The following GNB5 variants were observed in gnomAD, a reference collection of about 807,000 sequenced individuals.
GNB5 encodes G protein subunit beta 5.
In GNB5, 37 loss-of-function variants were observed where a neutral mutation model predicts 55.3. The observed-to-expected ratio is 0.67, with a 90% confidence interval of 0.51 to 0.88. The LOEUF (loss-of-function observed/expected upper bound fraction) is 0.88. Ranked by LOEUF, GNB5 falls within the 40% of genes least tolerant of loss-of-function variation. GNB5 has a pLI of 0.00. For synonymous variants in GNB5, 219 were observed against 198.5 expected (o/e 1.10, Z -0.87); for missense variants, 476 against 515.3 (o/e 0.92, Z 0.74).
chr15:52,124,615 T>A lies in GNB5; in HGVS notation c.1034A>T (p.Asn345Ile). 1 of 1,614,060 alleles carries A rather than the reference T, an allele frequency of 6.2e-7. No individual in the cohort carries two copies. Among genetic ancestry groups the A allele is most frequent in the Non-Finnish European group, 8.5e-7 (1 of 1,179,954 alleles). ...ATCCCAGACGTTGATAGTGTAATCA[T>A]TGTATCCAGCAAACAGCAGGCGACC... ...LSGRLLFAGY[N>I]DYTINVWDVL... The change falls in exon 12 of 13, where the codon AAT becomes ATT. Residue 345 changes from asparagine to isoleucine, a missense_variant. Coordinates refer to ENST00000261837, the MANE Select transcript of GNB5 (RefSeq NM_016194.4).
intron 1 of GNB5, among the ~76,000 whole-genome samples, chr15:52,190,458 C>T (rs1256785892): frequency 6.6e-6 from 1 of 152,088 alleles, no homozygotes; most frequent in Non-Finnish European, 1.5e-5. Flanking sequence ...TGTGTAGTCA[C>T]TTCACAAATG....
Position 52,138,047 on chromosome 15 carries a change from C to G in GNB5, c.628-2291G>C, listed in dbSNP as rs1422161129. ...TTTCCAGCTGCTGATGGGATCTCTC[C>G]TCCTCACCCTTTGCCCCCTTTCCCT... On this transcript the variant is annotated intron_variant, in intron 7 of 12. Coordinates refer to ENST00000261837, the MANE Select transcript of GNB5 (RefSeq NM_016194.4). 8 of 877,996 alleles carry G rather than the reference C, an allele frequency of 9.1e-6. No individual in the cohort carries two copies. In the Admixed American group the frequency reaches 9.3e-5, roughly 10 times the overall value. The allele number at this position is 877,996 out of a possible 1,614,324, so 54.4% of individuals were successfully genotyped here.
intron 2 of GNB5, among the ~76,000 whole-genome samples, chr15:52,183,060 G>A (rs766039183): frequency 3.3e-5 from 5 of 152,152 alleles, no homozygotes; most frequent in African/African-American, 7.2e-5. Flanking sequence ...GCTGAGGCAC[G>A]AGAATCACTT....
Position 52,121,209 on chromosome 15 carries a change from G to A in GNB5, c.*1548C>T, listed in dbSNP as rs1390473839. On this transcript the variant is annotated 3_prime_UTR_variant, in exon 13 of 13. Transcript: ENST00000261837. ...AAGGGCTGGGCTGGAGCAGGGCCAG[G>A]AAAGGAGACCTGTCCAGGGGACAAG... is the stretch of plus-strand genomic sequence containing the variant. 6.6e-6 allele frequency: 1 copy of A among 152,412 alleles called. No individual in the cohort carries two copies. Among genetic ancestry groups the A allele is most frequent in the East Asian group, 1.9e-4 (1 of 5,202 alleles). 9.4% of individuals were successfully genotyped at this position (152,412 alleles called of 1,614,324 possible).
chr15:52,172,659 T>C (rs533387554), intron 3 of GNB5, among the ~76,000 whole-genome samples: 90 of 152,066 alleles, frequency 5.9e-4, no homozygotes, highest in African/African-American at 2.0e-3. Flanking sequence ...CACACACCTG[T>C]AGTCCCAGCT....
intron 3 of GNB5, among the ~76,000 whole-genome samples, chr15:52,171,571 G>C (rs995277858): frequency 1.3e-5 from 2 of 152,246 alleles, no homozygotes; most frequent in African/African-American, 2.4e-5. Context: ...AGGCAGGTTA[G>C]CTTTCTGCTG....
In GNB5 at chr15:52,136,172, A is replaced by ACACACACCCAC. The variant is rs1168734914; in HGVS notation, c.628-417_628-416insGTGGGTGTGTG. On this transcript the variant is annotated intron_variant, in intron 7 of 12. Coordinates refer to ENST00000261837, the MANE Select transcript of GNB5 (RefSeq NM_016194.4). ...CACACACACACACACACACACACAC[A>ACACACACCCAC]CCCTACCTGCTGTATCTGGGTTCAT... Among the ~76,000 whole-genome samples the ACACACACCCAC allele has an allele frequency of 4.0e-5, 4 of 100,118 alleles. No homozygotes were observed. The East Asian group carries it at 8.3e-4, about 21-fold the overall frequency. 65.7% of individuals were successfully genotyped at this position (100,118 alleles called of 152,430 possible). A position where few individuals can be genotyped will look rare whatever the true frequency, so the allele number is the denominator to read the frequency against.
At position 52,160,453 on chromosome 15, in the gene GNB5, G is replaced by A. The variant is rs75209940; in HGVS notation, c.239-6377C>T. Among the ~76,000 whole-genome samples the A allele has an allele frequency of 5.0e-3, 762 of 152,292 alleles. 18 individuals carry two copies. The highest frequency in any genetic ancestry group is 0.025 in the Admixed American group (388 of 15,292). On this transcript the variant is annotated intron_variant, in intron 3 of 12. Coordinates refer to ENST00000261837, the MANE Select transcript of GNB5 (RefSeq NM_016194.4). ...AAGACTGGAAACAACATGACCCGGA[G>A]AGCAACGGGGCTTTTGAAATGGAGG... is the stretch of plus-strand genomic sequence containing the variant.
chr15:52,152,690 G>A (rs1306214681), intron 4 of GNB5, among the ~76,000 whole-genome samples: 1 of 151,276 alleles, frequency 6.6e-6, no homozygotes, highest in Non-Finnish European at 1.5e-5. Flanking sequence ...GAGTGCAATG[G>A]CATAATCTCA....
intron 1 of GNB5, among the ~76,000 whole-genome samples, chr15:52,190,998 G>A (rs1222194058): frequency 6.6e-6 from 1 of 152,068 alleles, no homozygotes; most frequent in Non-Finnish European, 1.5e-5. Context: ...GTACTCAGAG[G>A]CTTATGTTGC....
intron 3 of GNB5, among the ~76,000 whole-genome samples, chr15:52,166,480 C>T (rs1382878524): frequency 6.6e-6 from 1 of 152,206 alleles, no homozygotes; most frequent in East Asian, 1.9e-4. Flanking sequence ...GAAATCATAA[C>T]AGTCTCTCAG....
intron 3 of GNB5, among the ~76,000 whole-genome samples, chr15:52,168,835 T>A (rs1415909570): frequency 6.6e-6 from 1 of 152,156 alleles, no homozygotes; most frequent in Non-Finnish European, 1.5e-5. Context: ...AATCATCTGA[T>A]CTTTGATGAA....
At chr15:52,178,627 C>T (rs1462414409) in intron 3 of GNB5, among the ~76,000 whole-genome samples, 1 of 152,116 alleles carries the variant, frequency 6.6e-6, no homozygotes, top group African/African-American at 2.4e-5. Context: ...TGCATAACTA[C>T]ATTATTTGGG....
At position 52,141,232 on chromosome 15, in the gene GNB5, C is replaced by T. The variant is rs745478605; in HGVS notation, c.535G>A (p.Asp179Asn). ...TTGGCAGCCATGTTTTCATTTTTGT[C>T]AAACGTCAAGGGGTACACAGAACAC... Reference protein sequence around the residue: ...NKCSVYPLTFDKNENMAAKKK... With the variant: ...NKCSVYPLTFNKNENMAAKKK... Residue 179 changes from aspartate to asparagine, a missense_variant, in exon 7 of 13, where the codon GAC becomes AAC. Coordinates refer to ENST00000261837, the MANE Select transcript of GNB5 (RefSeq NM_016194.4). 5 of 1,613,890 alleles carry T rather than the reference C, an allele frequency of 3.1e-6. No individual in the cohort carries two copies. Among genetic ancestry groups the T allele is most frequent in the Non-Finnish European group, 4.2e-6 (5 of 1,179,828 alleles).
chr15:52,148,060 C>CA (rs386382991), intron 5 of GNB5, among the ~76,000 whole-genome samples: 1,441 of 135,328 alleles, frequency 0.011, 27 homozygotes, highest in South Asian at 0.034. Flanking sequence ...CTAGCAAAAG[C>CA]AAAAAAAAAA....
At chr15:52,170,723 A>C (rs545981948) in intron 3 of GNB5, among the ~76,000 whole-genome samples, 8 of 152,118 alleles carry the variant, frequency 5.3e-5, no homozygotes, top group African/African-American at 1.9e-4. Flanking sequence ...AAAAAAAAAA[A>C]AACCCTCTCA....
In GNB5 at chr15:52,132,917, T is replaced by G. The variant is rs149223604; in HGVS notation, c.863+461A>C. Among the ~76,000 whole-genome samples the G allele has an allele frequency of 2.1e-4, 32 of 152,244 alleles. 1 individual carries two copies. Among genetic ancestry groups the G allele is most frequent in the African/African-American group, 7.0e-4 (29 of 41,546 alleles). On this transcript the variant is annotated intron_variant, in intron 9 of 12. Coordinates refer to ENST00000261837, the MANE Select transcript of GNB5 (RefSeq NM_016194.4). ...TCCTGGCCTCAATGTAAAGATCACC[T>G]TCTCAGTGAGGCTGTCTTTGACCTC...
chr15:52,161,365 T>C (rs1355061473), intron 3 of GNB5, among the ~76,000 whole-genome samples: 1 of 152,194 alleles, frequency 6.6e-6, no homozygotes, highest in African/African-American at 2.4e-5. Flanking sequence ...TGGCGTGATC[T>C]TGGCTCACTG....
rs904925677 is a variant in GNB5 at position 52,120,531 on chromosome 15, C to G, written c.*2226G>C. 6.6e-6 allele frequency: 1 copy of G among 152,250 alleles called. No individual in the cohort carries two copies. Among genetic ancestry groups the G allele is most frequent in the Admixed American group, 6.5e-5 (1 of 15,286 alleles). 9.4% of individuals were successfully genotyped at this position (152,250 alleles called of 1,614,324 possible). A position where few individuals can be genotyped will look rare whatever the true frequency, so the allele number is the denominator to read the frequency against. On this transcript the variant is annotated 3_prime_UTR_variant, in exon 13 of 13. Transcript: ENST00000261837. The stretch of plus-strand genomic sequence containing the variant: ...TGAAGATGCTCTCCACCTCTCCAAA[C>G]ATGGAACCTGGAATGTGCTTCCCTG...
Sources: allele counts gnomAD v4.1 joint callset (sites outside exome capture counted in the v4.1 genomes callset), GRCh38; gene constraint gnomAD v4.1.1; transcripts MANE v1.5; gene names NCBI Gene and HGNC (gene_info 2026-07-23, HGNC 2026-07-21).